The following PDE3B variants were observed in gnomAD, a reference collection of about 807,000 sequenced individuals.
PDE3B encodes cGMP-inhibited 3',5'-cyclic phosphodiesterase 3B.
Under a neutral mutation model 116.8 loss-of-function variants are expected in PDE3B, and 66 were observed. The observed-to-expected ratio is 0.56, with a 90% confidence interval of 0.46 to 0.69. PDE3B has a LOEUF of 0.69. PDE3B is among the 30% of genes least tolerant of loss of function. PDE3B has a pLI of 0.00. For missense variants in PDE3B, 1,384 were observed against 1,368.1 expected (o/e 1.01, Z -0.18); for synonymous variants, 595 against 533.6 (o/e 1.12, Z -1.59).
chr11:14,661,541 T>A (rs1853909793), intron 1 of PDE3B, among the ~76,000 whole-genome samples: 1 of 152,114 alleles, frequency 6.6e-6, no homozygotes, highest in South Asian at 2.1e-4. Context: ...GTCAGGGAGT[T>A]CCCTTTCCTA....
chr11:14,892,120 T>C, the PDE3B span: 24 of 1,611,692 alleles, frequency 1.5e-5, no homozygotes, highest in Non-Finnish European at 2.0e-5. Context: ...CTTCAGCAGC[T>C]GGCGGACCCC....
chr11:14,851,602 A>G (rs1053040365), intron 12 of PDE3B, among the ~76,000 whole-genome samples: 3 of 152,100 alleles, frequency 2.0e-5, no homozygotes, highest in African/African-American at 7.2e-5. Context: ...CATGATTTCC[A>G]GAGGTAACTT....
intron 1 of PDE3B, among the ~76,000 whole-genome samples, chr11:14,725,350 TTCTTTCTCCTCTC>T (rs1170683261): frequency 1.3e-5 from 2 of 150,940 alleles, no homozygotes; most frequent in African/African-American, 2.4e-5. Context: ...TCTTTCTTTC[TTCTTTCTCCTCTC>T]TCTTTCTCCT....
intron 1 of PDE3B, among the ~76,000 whole-genome samples, chr11:14,666,393 A>C (rs1854152236): frequency 6.6e-6 from 1 of 151,730 alleles, no homozygotes; most frequent in Non-Finnish European, 1.5e-5. Flanking sequence ...CATGTCTAAA[A>C]CACCAAAAGC....
chr11:14,854,533 T>G lies in PDE3B; in HGVS notation c.2521-4510T>G, dbSNP rs59831318. 4.4e-4 allele frequency among the ~76,000 whole-genome samples: 67 copies of G among 152,180 alleles called. No homozygotes were observed. The South Asian group carries it at 8.7e-3, about 20-fold the overall frequency. On this transcript the variant is annotated intron_variant, in intron 12 of 15. Coordinates refer to ENST00000282096, the MANE Select transcript of PDE3B (RefSeq NM_000922.4). ...GAAATCTAGAATTTTTTTTTTTTTTTTGTGAGACAGGGTCTCACTCTGTTG... is the reference window on the plus strand; with the variant it reads ...GAAATCTAGAATTTTTTTTTTTTTTGTGTGAGACAGGGTCTCACTCTGTTG...
chr11:14,866,120 GAACT>G (rs1848040940), intron 14 of PDE3B, among the ~76,000 whole-genome samples: 1 of 152,062 alleles, frequency 6.6e-6, no homozygotes, highest in Non-Finnish European at 1.5e-5. Flanking sequence ...AGGATTAAAT[GAACT>G]AATATATGTA....
At chr11:14,785,507 A>C (rs1009283501) in intron 2 of PDE3B, among the ~76,000 whole-genome samples, 3 of 152,108 alleles carry the variant, frequency 2.0e-5, no homozygotes, top group Non-Finnish European at 4.4e-5. Flanking sequence ...ATTAATTTGA[A>C]TAATTATTAA....
Position 14,747,055 on chromosome 11 carries a change from G to A in PDE3B, c.979-24882G>A, listed in dbSNP as rs1346942207. ...TACAACCATGGTGGAAGGCAAAGGC[G>A]GAGGAGGTGTGTCATGTGGCGAGAG... On this transcript the variant is annotated intron_variant, in intron 1 of 15. Transcript: ENST00000282096. 1.5e-4 allele frequency among the ~76,000 whole-genome samples: 23 copies of A among 152,204 alleles called. 1 individual carries two copies. Among genetic ancestry groups the A allele is most frequent in the Admixed American group, 1.2e-3 (19 of 15,282 alleles).
chr11:14,891,072 G>A, the PDE3B span: 13 of 985,292 alleles, frequency 1.3e-5, no homozygotes, highest in African/African-American at 1.7e-5. Context: ...ATATAAATAA[G>A]TGTAATTCAA....
chr11:14,646,551 G>A (rs1853413489), intron 1 of PDE3B, among the ~76,000 whole-genome samples: 1 of 152,128 alleles, frequency 6.6e-6, no homozygotes, highest in East Asian at 1.9e-4. Context: ...TTCATAGAAT[G>A]GAATTAATTG....
intron 1 of PDE3B, among the ~76,000 whole-genome samples, chr11:14,770,693 TG>T (rs1475598605): frequency 6.6e-6 from 1 of 151,642 alleles, no homozygotes; most frequent in Non-Finnish European, 1.5e-5. Flanking sequence ...TTGTGGGCAC[TG>T]GTTCACAAGT....
chr11:14,721,532 C>T (rs1856081701), intron 1 of PDE3B, among the ~76,000 whole-genome samples: 1 of 151,474 alleles, frequency 6.6e-6, no homozygotes, highest in Admixed American at 6.6e-5. Flanking sequence ...CCCAAATGTC[C>T]AACAATGATA....
chr11:14,827,252 C>T (rs1488963461), intron 7 of PDE3B, among the ~76,000 whole-genome samples: 4 of 152,070 alleles, frequency 2.6e-5, no homozygotes, highest in African/African-American at 7.2e-5. Context: ...CCCTTGAAAA[C>T]GGGCACAAGA....
chr11:14,655,733 A>G (rs770351706), intron 1 of PDE3B, among the ~76,000 whole-genome samples: 10 of 152,208 alleles, frequency 6.6e-5, no homozygotes, highest in Non-Finnish European at 1.5e-4. Context: ...AGGACATATT[A>G]TATAAGACTT....
At position 14,818,413 on chromosome 11, in the gene PDE3B, A is replaced by G. The variant is rs764468104; in HGVS notation, c.1733+20A>G. 6.6e-7 allele frequency: 1 copy of G among 1,509,488 alleles called. No individual in the cohort carries two copies. Among genetic ancestry groups the G allele is most frequent in the African/African-American group, 1.4e-5 (1 of 72,870 alleles). The allele number at this position is 1,509,488 out of a possible 1,614,324, so 93.5% of individuals were successfully genotyped here. On this transcript the variant is annotated intron_variant, in intron 6 of 15. Coordinates refer to ENST00000282096, the MANE Select transcript of PDE3B (RefSeq NM_000922.4). Reference sequence around the variant, plus strand: ...TAACAGGTAAGTTTCCCAACTGTTTATTATTTCTGTTTCAAAATGTTGATT... The same window carrying G: ...TAACAGGTAAGTTTCCCAACTGTTTGTTATTTCTGTTTCAAAATGTTGATT...
Position 14,759,024 on chromosome 11 carries a change from G to A in PDE3B, c.979-12913G>A, listed in dbSNP as rs532886642. ...GGCTTTTTCTGCATCTATTGAGATAGTCATGTGGTTTTTGTCTTTGGCTCT... is the reference window on the plus strand; with the variant it reads ...GGCTTTTTCTGCATCTATTGAGATAATCATGTGGTTTTTGTCTTTGGCTCT... On this transcript the variant is annotated intron_variant, in intron 1 of 15. Coordinates refer to ENST00000282096, the MANE Select transcript of PDE3B (RefSeq NM_000922.4). 4.1e-3 allele frequency among the ~76,000 whole-genome samples: 619 copies of A among 152,008 alleles called. 3 individuals carry two copies. The highest frequency in any genetic ancestry group is 0.013 in the African/African-American group (548 of 41,380).
At position 14,818,957 on chromosome 11, in the gene PDE3B, C is replaced by T. The variant is rs546983447; in HGVS notation, c.1734-179C>T. Reference sequence around the variant, plus strand: ...TGACTTTTCAAAAATATTTTGTTTCCTTCAAGGACACACAGATACTTTCTA... The same window carrying T: ...TGACTTTTCAAAAATATTTTGTTTCTTTCAAGGACACACAGATACTTTCTA... On this transcript the variant is annotated intron_variant, in intron 6 of 15. Coordinates refer to ENST00000282096, the MANE Select transcript of PDE3B (RefSeq NM_000922.4). Among the ~76,000 whole-genome samples, 3 of 152,158 alleles carry T rather than the reference C, an allele frequency of 2.0e-5. No homozygotes were observed. In the South Asian group the frequency reaches 6.2e-4, roughly 32 times the overall value.
intron 4 of PDE3B, among the ~76,000 whole-genome samples, chr11:14,798,761 G>A (rs556024962): frequency 2.7e-4 from 41 of 152,264 alleles, no homozygotes; most frequent in African/African-American, 8.7e-4. Flanking sequence ...TTGTATTTCT[G>A]TGGGATCAGT....
intron 2 of PDE3B, among the ~76,000 whole-genome samples, chr11:14,780,284 A>C (rs1857945050): frequency 6.6e-6 from 1 of 152,142 alleles, no homozygotes; most frequent in Admixed American, 6.6e-5. Context: ...AGGATATCCA[A>C]GAAGTTAACT....
Sources: allele counts gnomAD v4.1 joint callset (sites outside exome capture counted in the v4.1 genomes callset), GRCh38; gene constraint gnomAD v4.1.1; transcripts MANE v1.5; gene names NCBI Gene and HGNC (gene_info 2026-07-23, HGNC 2026-07-21).